KNG1: variants seen among roughly 807,000 people sequenced by gnomAD.
KNG1 encodes kininogen 1.
Under a neutral mutation model 47.8 loss-of-function variants are expected in KNG1, and 23 were observed. That is an observed-to-expected ratio of 0.48 (90% CI 0.35 to 0.68). The LOEUF is 0.68. KNG1 is among the 30% of genes least tolerant of loss of function. The pLI, the probability that KNG1 is intolerant of heterozygous loss-of-function variation, is 0.01. For synonymous variants in KNG1, 277 were observed against 277.0 expected, an observed-to-expected ratio of 1.00 and a Z score of 0.00; for missense variants, 762 against 790.2, an observed-to-expected ratio of 0.96 and a Z score of 0.43.
Position 186,719,987 on chromosome 3 carries a change from A to C in KNG1, c.196-118A>C, listed in dbSNP as rs1328445351. 6.8e-6 allele frequency: 5 copies of C among 731,688 alleles called. No individual in the cohort carries two copies. In the South Asian group the frequency reaches 7.3e-5, roughly 11 times the overall value. 45.3% of individuals were successfully genotyped at this position (731,688 alleles called of 1,614,324 possible). A position where few individuals can be genotyped will look rare whatever the true frequency, so the allele number is the denominator to read the frequency against. Reference sequence around the variant, plus strand: ...TATGATAGAAATATAAATATATTTTAAGTGAATGCTTTGCTCTCAAGTCAA... The same window carrying C: ...TATGATAGAAATATAAATATATTTTCAGTGAATGCTTTGCTCTCAAGTCAA... On this transcript the variant is annotated intron_variant, in intron 1 of 9. Transcript: ENST00000644859.
chr3:186,727,691 C>T (rs1720411660), intron 5 of KNG1, among the ~76,000 whole-genome samples: 1 of 152,156 alleles, frequency 6.6e-6, no homozygotes, highest in African/African-American at 2.4e-5. Flanking sequence ...CCTGCCTCAG[C>T]CTCCCAAGTA....
intron 7 of KNG1, among the ~76,000 whole-genome samples, chr3:186,733,763 G>A (rs1361647674): frequency 2.0e-5 from 3 of 152,194 alleles, no homozygotes; most frequent in Non-Finnish European, 4.4e-5. Flanking sequence ...GAGGTCAGGA[G>A]TTCGAGACCA....
Position 186,742,993 on chromosome 3 carries a change from G to T in KNG1, c.*662G>T. On this transcript the variant is annotated 3_prime_UTR_variant, in exon 10 of 10. Coordinates refer to ENST00000644859, the MANE Select transcript of KNG1 (RefSeq NM_001102416.3). ...AGGAAAGGGGGGACATAAATTAATT[G>T]ACTTTCTATTCCCAAAATGGGCTAG... The T allele has an allele frequency of 1.0e-6, 1 of 972,260 alleles. No homozygotes were observed. Among genetic ancestry groups the T allele is most frequent in the South Asian group, 4.8e-5 (1 of 21,020 alleles). The allele number at this position is 972,260 out of a possible 1,614,324, so 60.2% of individuals were successfully genotyped here. A position where few individuals can be genotyped will look rare whatever the true frequency, so the allele number is the denominator to read the frequency against.
chr3:186,732,696 A>T (rs776640746), intron 7 of KNG1, 22 bp downstream of exon 7: 1 of 1,592,570 alleles, frequency 6.3e-7, no homozygotes, highest in Non-Finnish European at 8.6e-7. Flanking sequence ...ATACTACAAA[A>T]GCAGTAACAC....
At chr3:186,731,304 T>C (rs1192456158) in intron 5 of KNG1, among the ~76,000 whole-genome samples, 1 of 152,194 alleles carries the variant, frequency 6.6e-6, no homozygotes, top group Non-Finnish European at 1.5e-5. Context: ...ACATGGCTGT[T>C]ATTTCTGTAC....
chr3:186,726,274 C>CTTTTTTTTTTT (rs774226752), intron 4 of KNG1, among the ~76,000 whole-genome samples: 7 of 113,732 alleles, frequency 6.2e-5, no homozygotes, highest in African/African-American at 1.3e-4. Context: ...GACTTTTCTT[C>CTTTTTTTTTTT]TTTTTTTTTT....
chr3:186,722,441 C>G lies in KNG1; in HGVS notation c.311C>G (p.Thr104Ser), dbSNP rs1180475162. The G allele has an allele frequency of 1.2e-6, 2 of 1,612,708 alleles. No individual in the cohort carries two copies. The highest frequency in any genetic ancestry group is 2.2e-5 in the East Asian group (1 of 44,888). ...CEYKDAAKAA[T>S]GECTATVGKR... ...ATCTCTTTCTTTTCTTTTTAGGCCA[C>G]TGGAGAATGCACGGCAACCGTGGGG... The change falls in exon 3 of 10, where the codon ACT becomes AGT. Residue 104 changes from threonine to serine, a missense_variant. Thr to Ser is a moderately conservative substitution (Grantham distance 58). Transcript: ENST00000644859.
intron 5 of KNG1, among the ~76,000 whole-genome samples, chr3:186,730,671 AAAAAAAAAAAAAATATATATATATATAT>A (rs1388447843): frequency 0.028 from 1,060 of 38,268 alleles, 7 homozygotes; most frequent in African/African-American, 0.12. Context: ...AAAAAAAAAA[AAAAAAAAAAAAAATATATATATATATAT>A]ATATATATAT....
At chr3:186,733,626 G>A (rs190777818) in intron 7 of KNG1, among the ~76,000 whole-genome samples, 3 of 152,098 alleles carry the variant, frequency 2.0e-5, no homozygotes, top group African/African-American at 7.2e-5. Flanking sequence ...TCATTCAAAC[G>A]TTCTAAGCCT....
At position 186,743,530 on chromosome 3, in the gene KNG1, G is replaced by A; in HGVS notation, c.*1199G>A. 3 of 619,836 alleles carry A rather than the reference G, an allele frequency of 4.8e-6. No individual in the cohort carries two copies. The South Asian group carries it at 5.6e-5, about 12-fold the overall frequency. 38.4% of individuals were successfully genotyped at this position (619,836 alleles called of 1,614,324 possible). A position where few individuals can be genotyped will look rare whatever the true frequency, so the allele number is the denominator to read the frequency against. On this transcript the variant is annotated 3_prime_UTR_variant, in exon 10 of 10. Coordinates refer to ENST00000644859, the MANE Select transcript of KNG1 (RefSeq NM_001102416.3). Reference sequence around the variant, plus strand: ...GATGTATATGTCACTGCTGCTTCAAGTTATTGGATGCATTTGAACCTCTGA... The same window carrying A: ...GATGTATATGTCACTGCTGCTTCAAATTATTGGATGCATTTGAACCTCTGA...
intron 4 of KNG1, 130 bp downstream of exon 4, chr3:186,725,390 TAGTC>T: frequency 1.1e-6 from 1 of 876,566 alleles, no homozygotes; most frequent in Non-Finnish European, 1.9e-6. Context: ...GCTTTCTCCT[TAGTC>T]AAAGTGAGTC....
In KNG1 at chr3:186,725,200, C is replaced by A. The variant is rs1432437289; in HGVS notation, c.504C>A (p.Asn168Lys). 5 of 1,613,908 alleles carry A rather than the reference C, an allele frequency of 3.1e-6. No individual in the cohort carries two copies. The highest frequency in any genetic ancestry group is 1.3e-5 in the African/African-American group (1 of 74,912). Residue 168 changes from asparagine to lysine, a missense_variant, in exon 4 of 10, where the codon AAC becomes AAA. Asn to Lys is a moderately conservative substitution (Grantham distance 94). Coordinates refer to ENST00000644859, the MANE Select transcript of KNG1 (RefSeq NM_001102416.3). ...TGAGACACGGCATTCAGTACTTTAA[C>A]AACAACACTCAACATTCCTCCCTCT... ...PILRHGIQYF[N>K]NNTQHSSLFM...
At chr3:186,731,858 T>A (rs920816651) in intron 6 of KNG1, among the ~76,000 whole-genome samples, 1 of 152,192 alleles carries the variant, frequency 6.6e-6, no homozygotes, top group African/African-American at 2.4e-5. Context: ...AGAAGGGAAA[T>A]GTATGACCCC....
rs562076762 is a variant in KNG1, at chr3:186,737,838, G to C, written c.931-1261G>C. 1.8e-3 allele frequency among the ~76,000 whole-genome samples: 277 copies of C among 152,194 alleles called. 1 individual carries two copies. The highest frequency in any genetic ancestry group is 6.2e-3 in the African/African-American group (259 of 41,498). ...GGCCCCCAAAGTGCTGGAATTACAG[G>C]CAGGAGCCACTATTCCCGGCCAACA... On this transcript the variant is annotated intron_variant, in intron 7 of 9. Coordinates refer to ENST00000644859, the MANE Select transcript of KNG1 (RefSeq NM_001102416.3).
chr3:186,743,578 T>C lies in KNG1; in HGVS notation c.*1247T>C, dbSNP rs1720868499. 2.8e-6 allele frequency: 2 copies of C among 715,140 alleles called. No individual in the cohort carries two copies. The highest frequency in any genetic ancestry group is 5.0e-6 in the Non-Finnish European group (2 of 400,432). 44.3% of individuals were successfully genotyped at this position (715,140 alleles called of 1,614,324 possible). Reference sequence around the variant, plus strand: ...TGAGTTTGTCTTTCATTTTAAATATTGTCTGTTCTTTTAAATAAACAACCA... The same window carrying C: ...TGAGTTTGTCTTTCATTTTAAATATCGTCTGTTCTTTTAAATAAACAACCA... On this transcript the variant is annotated 3_prime_UTR_variant, in exon 10 of 10. Transcript: ENST00000644859.
At chr3:186,740,006 C>T (rs1720767418) in intron 9 of KNG1, among the ~76,000 whole-genome samples, 1 of 151,764 alleles carries the variant, frequency 6.6e-6, no homozygotes, top group South Asian at 2.1e-4. Flanking sequence ...CGAGATCCTG[C>T]CACTGCACTC....
In KNG1 at chr3:186,717,737, G is replaced by A. The variant is rs146938948; in HGVS notation, c.195G>A (p.Thr65=). 16 of 1,610,216 alleles carry A rather than the reference G, an allele frequency of 9.9e-6. No homozygotes were observed. The African/African-American group carries it at 1.6e-4, about 16-fold the overall frequency. The change falls in exon 1 of 10, where the codon ACG becomes ACA. Residue 65 remains threonine, a splice_region_variant and synonymous_variant. Transcript: ENST00000644859. ...VLYRITEATK[T]VGSDTFYSFK... is the part of the protein sequence containing the mutation. ...ACCGCATAACTGAAGCCACTAAGAC[G>A]GTGAGTGAATTGTGTTTAACCTTGA...
At chr3:186,725,942 ATT>A (rs544977446) in intron 4 of KNG1, among the ~76,000 whole-genome samples, 1 of 142,196 alleles carries the variant, frequency 7.0e-6, no homozygotes. Context: ...TATATCCGTA[ATT>A]TTTTTTTTTT....
chr3:186,730,715 TAC>T lies in KNG1; in HGVS notation c.673-816_673-815del, dbSNP rs1198252081. The stretch of plus-strand genomic sequence containing the variant: ...ATATATATATATATATATATATATA[TAC>T]ACACACACACACATATATATATACA... On this transcript the variant is annotated intron_variant, in intron 5 of 9. Coordinates refer to ENST00000644859, the MANE Select transcript of KNG1 (RefSeq NM_001102416.3). 2.1e-3 allele frequency among the ~76,000 whole-genome samples: 232 copies of T among 109,400 alleles called. 1 individual carries two copies. Among genetic ancestry groups the T allele is most frequent in the African/African-American group, 7.9e-3 (205 of 25,842 alleles). The allele number at this position is 109,400 out of a possible 152,430, so 71.8% of individuals were successfully genotyped here. A position where few individuals can be genotyped will look rare whatever the true frequency, so the allele number is the denominator to read the frequency against.
Sources: allele counts gnomAD v4.1 joint callset (sites outside exome capture counted in the v4.1 genomes callset), GRCh38; gene constraint gnomAD v4.1.1; transcripts MANE v1.5; gene names NCBI Gene and HGNC (gene_info 2026-07-23, HGNC 2026-07-21).